Variants in BTRC observed in about 807,000 individuals in gnomAD.
The protein encoded by BTRC is F-box/WD repeat-containing protein 1A.
Under a neutral mutation model 85.5 loss-of-function variants are expected in BTRC, and 42 were observed. That is an observed-to-expected ratio of 0.49 (90% CI 0.38 to 0.64). The LOEUF is 0.64. Ranked by LOEUF, BTRC falls within the 30% of genes least tolerant of loss-of-function variation. The probability of loss-of-function intolerance (pLI) is 0.00; values close to 1 mark genes in which losing one functional copy is unlikely to be tolerated. For synonymous variants in BTRC, 255 were observed against 263.3 expected (o/e 0.97, Z 0.30); for missense variants, 594 against 743.5 (o/e 0.80, Z 2.34).
chr10:101,525,996 C>T lies in BTRC; in HGVS notation c.557-17C>T, dbSNP rs944855506. On this transcript the variant is annotated splice_polypyrimidine_tract_variant and intron_variant, in intron 5 of 14. Coordinates refer to ENST00000370187, the MANE Select transcript of BTRC (RefSeq NM_033637.4). The stretch of plus-strand genomic sequence containing the variant: ...CCTTCTGTGTTCTTTTTCTTTGCCT[C>T]CTCCCCCTACTGAAAGCTCGGGGAT... The T allele has an allele frequency of 1.7e-5, 28 of 1,609,890 alleles. No homozygotes were observed. Among genetic ancestry groups the T allele is most frequent in the Non-Finnish European group, 2.2e-5 (26 of 1,177,060 alleles).
intron 1 of BTRC, among the ~76,000 whole-genome samples, chr10:101,417,253 A>G (rs191767262): frequency 4.1e-3 from 631 of 152,384 alleles, no homozygotes; most frequent in Middle Eastern, 6.8e-3. Flanking sequence ...GTTCAGGATC[A>G]CATGATACAT....
intron 4 of BTRC, among the ~76,000 whole-genome samples, chr10:101,488,055 G>A (rs1295566682): frequency 6.6e-6 from 1 of 152,064 alleles, no homozygotes; most frequent in Non-Finnish European, 1.5e-5. Context: ...CTTTGGCATT[G>A]TACTCTGGGT....
chr10:101,487,960 A>G (rs1220757938), intron 4 of BTRC, among the ~76,000 whole-genome samples: 1 of 152,238 alleles, frequency 6.6e-6, no homozygotes, highest in East Asian at 1.9e-4. Context: ...TTCCAAAGTA[A>G]TGCCACAAAT....
chr10:101,484,121 G>A (rs1945919564), intron 4 of BTRC, among the ~76,000 whole-genome samples: 2 of 152,044 alleles, frequency 1.3e-5, no homozygotes, highest in South Asian at 4.1e-4. Context: ...AGCCCTTTGT[G>A]GATGTTCTGT....
intron 13 of BTRC, among the ~76,000 whole-genome samples, chr10:101,546,422 T>C (rs926955074): frequency 8.5e-5 from 13 of 152,238 alleles, no homozygotes; most frequent in Admixed American, 7.2e-4. Flanking sequence ...TAATTTTTAC[T>C]TTTCATTTTT....
intron 2 of BTRC, among the ~76,000 whole-genome samples, chr10:101,455,093 A>G (rs565493807): frequency 3.3e-5 from 5 of 149,408 alleles, no homozygotes. Flanking sequence ...ACAGGGTCTC[A>G]CTCTGTCGCC....
chr10:101,548,882 G>A (rs1467752231), intron 13 of BTRC, among the ~76,000 whole-genome samples: 3 of 151,734 alleles, frequency 2.0e-5, no homozygotes, highest in Non-Finnish European at 2.9e-5. Flanking sequence ...GTGAAACCCC[G>A]TCTCTACTAA....
chr10:101,368,399 A>T (rs1942532167), intron 1 of BTRC, among the ~76,000 whole-genome samples: 1 of 148,978 alleles, frequency 6.7e-6, no homozygotes, highest in South Asian at 2.1e-4. Context: ...ACCCACCCTC[A>T]GGTATTCCAT....
chr10:101,366,818 AT>A (rs1293648944), intron 1 of BTRC, among the ~76,000 whole-genome samples: 2 of 55,156 alleles, frequency 3.6e-5, no homozygotes, highest in African/African-American at 2.0e-4. Context: ...ATTTATATAT[AT>A]TAATATATAT....
intron 1 of BTRC, among the ~76,000 whole-genome samples, chr10:101,423,292 C>G (rs868130452): frequency 3.6e-4 from 55 of 151,954 alleles, no homozygotes; most frequent in African/African-American, 1.3e-3. Context: ...CAATTCATTG[C>G]CAAACAATGA....
chr10:101,408,841 G>A (rs1386709577), intron 1 of BTRC, among the ~76,000 whole-genome samples: 1 of 152,098 alleles, frequency 6.6e-6, no homozygotes, highest in African/African-American at 2.4e-5. Context: ...GAGGTCAGGA[G>A]TTCAAGACCA....
intron 1 of BTRC, among the ~76,000 whole-genome samples, chr10:101,389,389 T>C (rs1943179421): frequency 6.6e-6 from 1 of 152,086 alleles, no homozygotes; most frequent in South Asian, 2.1e-4. Context: ...TTCTAGCTAC[T>C]CTCCCCTTTA....
At chr10:101,448,521 T>C (rs1944883194) in intron 2 of BTRC, among the ~76,000 whole-genome samples, 1 of 152,118 alleles carries the variant, frequency 6.6e-6, no homozygotes, top group Non-Finnish European at 1.5e-5. Context: ...CCTTCAGAAA[T>C]AGAAGACTTC....
At chr10:101,504,222 T>C (rs771863146) in intron 4 of BTRC, among the ~76,000 whole-genome samples, 35 of 152,208 alleles carry the variant, frequency 2.3e-4, no homozygotes, top group Non-Finnish European at 4.4e-4. Context: ...AATTAAACTT[T>C]ATTACTCCGC....
At chr10:101,465,605 C>G (rs75975943) in intron 3 of BTRC, among the ~76,000 whole-genome samples, 15 of 152,158 alleles carry the variant, frequency 9.9e-5, no homozygotes, top group African/African-American at 3.6e-4. Context: ...AGAAATGATA[C>G]GAATTTTATG....
At chr10:101,479,801 A>T (rs1452986013) in intron 4 of BTRC, among the ~76,000 whole-genome samples, 1 of 152,236 alleles carries the variant, frequency 6.6e-6, no homozygotes, top group East Asian at 1.9e-4. Flanking sequence ...TATAGAGTAC[A>T]TCACATCATT....
chr10:101,542,800 C>G (rs2062488568), intron 13 of BTRC, among the ~76,000 whole-genome samples: 1 of 152,140 alleles, frequency 6.6e-6, no homozygotes, highest in Non-Finnish European at 1.5e-5. Flanking sequence ...GTCTGGAACT[C>G]CTGGGCTCAA....
At chr10:101,529,994 T>C (rs536674069) in intron 6 of BTRC, among the ~76,000 whole-genome samples, 105 of 152,294 alleles carry the variant, frequency 6.9e-4, no homozygotes, top group Non-Finnish European at 9.0e-4. Flanking sequence ...ACACCGTGTT[T>C]GGTGGGTTCT....
chr10:101,535,564 T>C, intron 11 of BTRC, 92 bp downstream of exon 11: 7 of 877,894 alleles, frequency 8.0e-6, no homozygotes, highest in South Asian at 2.2e-5. Context: ...AATTTTGTTA[T>C]GTTTATAATC....
Sources: allele counts gnomAD v4.1 joint callset (sites outside exome capture counted in the v4.1 genomes callset), GRCh38; gene constraint gnomAD v4.1.1; transcripts MANE v1.5; gene names NCBI Gene and HGNC (gene_info 2026-07-23, HGNC 2026-07-21).